The following HDAC9 variants were observed in gnomAD, a reference collection of about 807,000 sequenced individuals.
HDAC9 encodes the protein histone deacetylase 9.
Under a neutral mutation model 139.4 loss-of-function variants are expected in HDAC9, and 41 were observed. The observed-to-expected ratio is 0.29, with a 90% CI of 0.23 to 0.38. The LOEUF (loss-of-function observed/expected upper bound fraction) is 0.38, where lower values mean the gene tolerates loss of function less well. Among genes scored for constraint, HDAC9 ranks in the 10% least tolerant of loss-of-function variants. HDAC9 has a pLI of 1.00. For synonymous variants in HDAC9, 517 were observed against 476.2 expected, an observed-to-expected ratio of 1.09 and a Z score of -1.12; for missense variants, 1,147 against 1,297.0, an observed-to-expected ratio of 0.88 and a Z score of 1.78.
intron 6 of HDAC9, among the ~76,000 whole-genome samples, chr7:18,620,307 T>C (rs902769200): frequency 2.6e-5 from 4 of 152,100 alleles, no homozygotes; most frequent in African/African-American, 9.7e-5. Flanking sequence ...AACTATAAAA[T>C]AATTAGAATT....
intron 22 of HDAC9, among the ~76,000 whole-genome samples, chr7:18,894,476 G>T (rs902718995): frequency 6.6e-6 from 1 of 152,092 alleles, no homozygotes; most frequent in African/African-American, 2.4e-5. Context: ...GGTCAAGTAA[G>T]ATAAAAACTG....
intron 1 of HDAC9, among the ~76,000 whole-genome samples, chr7:18,295,371 G>A (rs986084910): frequency 9.2e-5 from 14 of 152,114 alleles, no homozygotes; most frequent in African/African-American, 3.4e-4. Flanking sequence ...AAATACCATG[G>A]AATTGGTATC....
chr7:18,543,629 C>A (rs1010108211), intron 2 of HDAC9: 1 of 151,926 alleles, frequency 6.6e-6, no homozygotes, highest in Non-Finnish European at 1.5e-5. Flanking sequence ...CCACTAAATG[C>A]CAGATGCTAT....
intron 21 of HDAC9, among the ~76,000 whole-genome samples, chr7:18,840,332 AT>A (rs1796506767): frequency 6.6e-6 from 1 of 151,936 alleles, no homozygotes; most frequent in African/African-American, 2.4e-5. Flanking sequence ...GTTGATGCAT[AT>A]TTTCAATAGA....
chr7:18,261,529 G>T (rs902729738), intron 2 of HDAC9, among the ~76,000 whole-genome samples: 16 of 152,122 alleles, frequency 1.1e-4, no homozygotes, highest in African/African-American at 3.4e-4. Flanking sequence ...CTGTCAGGCT[G>T]TTACTCTGTG....
At chr7:18,541,238 G>T (rs1367196101) in intron 2 of HDAC9, among the ~76,000 whole-genome samples, 1 of 133,480 alleles carries the variant, frequency 7.5e-6, no homozygotes, top group East Asian at 2.4e-4. Context: ...ATGCCTTCCA[G>T]TTGGCACCTT....
intron 8 of HDAC9, among the ~76,000 whole-genome samples, chr7:18,640,313 G>C (rs1304489504): frequency 8.1e-6 from 1 of 123,848 alleles, no homozygotes; most frequent in African/African-American, 3.1e-5. Context: ...GGCCTTGATC[G>C]CACCACTGCA....
intron 1 of HDAC9, among the ~76,000 whole-genome samples, chr7:18,435,407 G>A (rs947815088): frequency 1.3e-5 from 2 of 151,932 alleles, no homozygotes; most frequent in African/African-American, 4.8e-5. Context: ...GAACTGAAAA[G>A]TATGAAAAAG....
At chr7:18,825,902 AT>A (rs1238290438) in intron 17 of HDAC9, among the ~76,000 whole-genome samples, 2 of 148,470 alleles carry the variant, frequency 1.3e-5, no homozygotes, top group Non-Finnish European at 3.0e-5. Flanking sequence ...ATATAATGTT[AT>A]ATTTATATAA....
chr7:18,888,192 C>G (rs1443517696), intron 22 of HDAC9, among the ~76,000 whole-genome samples: 1 of 152,132 alleles, frequency 6.6e-6, no homozygotes, highest in African/African-American at 2.4e-5. Context: ...GAGGCCGAGG[C>G]AGGCGGATCA....
At chr7:18,648,338 T>C (rs1469706269) in intron 10 of HDAC9, 128 bp from the exon 11 acceptor site, 6 of 776,546 alleles carry the variant, frequency 7.7e-6, no homozygotes, top group Non-Finnish European at 1.2e-5. Flanking sequence ...AATTCACTAA[T>C]TTTCTTACAG....
At chr7:18,546,780 C>T (rs1302110414) in intron 2 of HDAC9, among the ~76,000 whole-genome samples, 1 of 152,194 alleles carries the variant, frequency 6.6e-6, no homozygotes, top group Non-Finnish European at 1.5e-5. Flanking sequence ...AGTCTCCCCT[C>T]ACCTGAGAGT....
chr7:18,334,399 A>G (rs937593946), intron 1 of HDAC9, among the ~76,000 whole-genome samples: 1 of 151,558 alleles, frequency 6.6e-6, no homozygotes, highest in Admixed American at 6.6e-5. Context: ...CTCACCAGAG[A>G]TGGATAAAAA....
intron 22 of HDAC9, among the ~76,000 whole-genome samples, chr7:18,884,431 G>A (rs1040775255): frequency 6.6e-6 from 1 of 152,088 alleles, no homozygotes; most frequent in African/African-American, 2.4e-5. Flanking sequence ...ACGATGGCGA[G>A]AACACTCCAT....
At chr7:18,726,382 C>T (rs946313207) in intron 12 of HDAC9, among the ~76,000 whole-genome samples, 1 of 152,042 alleles carries the variant, frequency 6.6e-6, no homozygotes, top group Non-Finnish European at 1.5e-5. Context: ...TAAGGCAAGG[C>T]CTTAACTAAG....
chr7:18,127,118 A>C (rs1020917221), intron 1 of HDAC9: 1 of 167,268 alleles, frequency 6.0e-6, no homozygotes, highest in Non-Finnish European at 1.5e-5. Context: ...CTGGGATATG[A>C]ATCAATATTA....
chr7:18,732,995 G>A (rs1453413759), intron 13 of HDAC9, among the ~76,000 whole-genome samples: 4 of 140,300 alleles, frequency 2.9e-5, no homozygotes, highest in African/African-American at 5.8e-5. Context: ...GTGTGTGTAT[G>A]TGTATATACA....
chr7:18,185,521 AC>A (rs1475253907), intron 2 of HDAC9, among the ~76,000 whole-genome samples: 1 of 152,192 alleles, frequency 6.6e-6, no homozygotes, highest in Non-Finnish European at 1.5e-5. Flanking sequence ...AGTTATGAAA[AC>A]TAAACTTTTA....
At chr7:18,870,398 T>A (rs149629119) in intron 21 of HDAC9, among the ~76,000 whole-genome samples, 43 of 152,288 alleles carry the variant, frequency 2.8e-4, no homozygotes, top group African/African-American at 9.9e-4. Context: ...TAAATTTGTT[T>A]AATATTTCCT....
Sources: allele counts gnomAD v4.1 joint callset (sites outside exome capture counted in the v4.1 genomes callset), GRCh38; gene constraint gnomAD v4.1.1; transcripts MANE v1.5; gene names NCBI Gene and HGNC (gene_info 2026-07-23, HGNC 2026-07-21).